JPH3: variants seen among roughly 807,000 people sequenced by gnomAD.
JPH3 encodes the protein junctophilin-3.
In JPH3, 11 loss-of-function variants were observed where a neutral mutation model predicts 59.6. That is an observed-to-expected ratio of 0.18 (90% confidence interval 0.12 to 0.31). The LOEUF (loss-of-function observed/expected upper bound fraction) is 0.31. Among genes scored for constraint, JPH3 ranks in the 10% least tolerant of loss-of-function variants. JPH3 has a pLI of 1.00. For missense variants in JPH3, 1,202 were observed against 1,105.7 expected (o/e 1.09, Z -1.24); for synonymous variants, 673 against 483.6 (o/e 1.39, Z -5.14).
chr16:87,645,052 G>A lies in JPH3; in HGVS notation c.1160+17G>A, dbSNP rs34387607. 1.3e-6 allele frequency: 2 copies of A among 1,589,296 alleles called. No individual in the cohort carries two copies. Among genetic ancestry groups the A allele is most frequent in the East Asian group, 2.2e-5 (1 of 44,764 alleles). On this transcript the variant is annotated intron_variant, in intron 2 of 4. Transcript: ENST00000284262. ...GGCTTCCAGGTAGGAGGGCGAGGGGGCGGGGGGCCCTTCTTGGTGCCCAGA... is the reference window on the plus strand; with the variant it reads ...GGCTTCCAGGTAGGAGGGCGAGGGGACGGGGGGCCCTTCTTGGTGCCCAGA...
intron 2 of JPH3, among the ~76,000 whole-genome samples, chr16:87,677,225 CAAAAAA>C (rs59575544): frequency 0.061 from 4,978 of 81,558 alleles, 281 homozygotes; most frequent in African/African-American, 0.15. Context: ...CACACACACA[CAAAAAA>C]AAAAATTAGC....
At chr16:87,632,892 C>CAA (rs59476481) in intron 1 of JPH3, among the ~76,000 whole-genome samples, 57 of 128,842 alleles carry the variant, frequency 4.4e-4, no homozygotes, top group Admixed American at 2.2e-3. Flanking sequence ...GACTCTGTCT[C>CAA]AAAAAAAAAA....
Position 87,696,654 on chromosome 16 carries a change from C to T in JPH3, c.2241C>T (p.Phe747=), listed in dbSNP as rs1479094290. 6.2e-7 allele frequency: 1 copy of T among 1,612,374 alleles called. No homozygotes were observed. Among genetic ancestry groups the T allele is most frequent in the Admixed American group, 1.7e-5 (1 of 60,000 alleles). The stretch of plus-strand genomic sequence containing the variant: ...TCGCCATTCTGTTTATTAACTTTTT[C>T]ATCTGATGAGATGTCGCGGTAGCAA... The part of the protein sequence containing the change: ...IGVAILFINF[F]I The change falls in exon 5 of 5, where the codon TTC becomes TTT. Residue 747 remains phenylalanine (F), a synonymous_variant. Coordinates refer to ENST00000284262, the MANE Select transcript of JPH3 (RefSeq NM_020655.4).
chr16:87,661,304 G>C (rs185950004), intron 2 of JPH3, among the ~76,000 whole-genome samples: 116 of 152,324 alleles, frequency 7.6e-4, no homozygotes, highest in African/African-American at 2.7e-3. Context: ...CCTTAACTCA[G>C]TCATATCTGC....
At chr16:87,620,468 G>A (rs950533193) in intron 1 of JPH3, among the ~76,000 whole-genome samples, 2 of 137,470 alleles carry the variant, frequency 1.5e-5, no homozygotes, top group Non-Finnish European at 3.1e-5. Context: ...GAGAGAGGGA[G>A]AGAAGGAGAG....
At chr16:87,623,604 G>A (rs1001899313) in intron 1 of JPH3, among the ~76,000 whole-genome samples, 3 of 152,212 alleles carry the variant, frequency 2.0e-5, no homozygotes, top group Admixed American at 6.5e-5. Flanking sequence ...ATTTCCTTCT[G>A]TGAACCCCTT....
intron 2 of JPH3, among the ~76,000 whole-genome samples, chr16:87,649,346 A>G (rs1541646): frequency 0.2 from 30,931 of 152,122 alleles, 3,710 homozygotes; most frequent in East Asian, 0.36. Context: ...TTCATGACTC[A>G]TCTCCTGCCA....
intron 1 of JPH3, among the ~76,000 whole-genome samples, chr16:87,638,889 ATC>A (rs1692582597): frequency 6.6e-6 from 1 of 151,888 alleles, no homozygotes; most frequent in Admixed American, 6.5e-5. Context: ...CTGCCTACGA[ATC>A]TCTCAGGATG....
chr16:87,695,859 G>A (rs951287891), intron 4 of JPH3: 1 of 456,088 alleles, frequency 2.2e-6, no homozygotes, highest in Middle Eastern at 3.3e-4. Context: ...GAAGGTGGCA[G>A]CTTGGTCCGA....
At chr16:87,649,451 G>C (rs190278277) in intron 2 of JPH3, among the ~76,000 whole-genome samples, 1 of 152,196 alleles carries the variant, frequency 6.6e-6, no homozygotes, top group Non-Finnish European at 1.5e-5. Flanking sequence ...AGTCCTCCTC[G>C]AAGCCCGGGT....
intron 2 of JPH3, among the ~76,000 whole-genome samples, chr16:87,648,842 C>A (rs2032238393): frequency 6.6e-6 from 1 of 152,178 alleles, no homozygotes; most frequent in Non-Finnish European, 1.5e-5. Context: ...GGCCCCACGC[C>A]CCAGACTTTG....
chr16:87,620,491 G>C (rs1345602238), intron 1 of JPH3, among the ~76,000 whole-genome samples: 2 of 144,506 alleles, frequency 1.4e-5, no homozygotes, highest in African/African-American at 5.1e-5. Flanking sequence ...GAGAGGGAGA[G>C]GGGGAGGGGA....
intron 1 of JPH3, among the ~76,000 whole-genome samples, chr16:87,624,029 C>G (rs1477522466): frequency 6.6e-6 from 1 of 152,184 alleles, no homozygotes; most frequent in Non-Finnish European, 1.5e-5. Context: ...TGCGGCCCTC[C>G]CCAGGGCTGA....
chr16:87,693,414 C>G (rs1401327075), intron 4 of JPH3: 1 of 152,314 alleles, frequency 6.6e-6, no homozygotes, highest in African/African-American at 2.4e-5. Flanking sequence ...TGGCTCACAC[C>G]TATAATCCCA....
intron 2 of JPH3, among the ~76,000 whole-genome samples, chr16:87,673,022 C>T (rs4843256): frequency 0.56 from 85,563 of 151,902 alleles, 24,601 homozygotes; most frequent in African/African-American, 0.68. Context: ...AGCACGTGCA[C>T]GTAATCCCGG....
intron 2 of JPH3, among the ~76,000 whole-genome samples, chr16:87,652,661 G>C (rs2150851751): frequency 6.6e-6 from 1 of 152,342 alleles, no homozygotes; most frequent in South Asian, 2.1e-4. Flanking sequence ...GTCTGTCCTG[G>C]AGGCCAGGCA....
chr16:87,670,633 C>CA (rs1381686173), intron 2 of JPH3, among the ~76,000 whole-genome samples: 1 of 152,278 alleles, frequency 6.6e-6, no homozygotes, highest in Non-Finnish European at 1.5e-5. Flanking sequence ...CTGGGTGCCA[C>CA]ACACTGCGGA....
intron 1 of JPH3, among the ~76,000 whole-genome samples, chr16:87,612,444 C>G (rs941644762): frequency 1.3e-5 from 2 of 152,156 alleles, no homozygotes; most frequent in Non-Finnish European, 2.9e-5. Flanking sequence ...AGCAACTGCA[C>G]CTGGCCTGAG....
Position 87,696,648 on chromosome 16 carries a change from C to T in JPH3, c.2235C>T (p.Asn745=). ...LNIGVAILFI[N]FFI ...TCGGAGTCGCCATTCTGTTTATTAACTTTTTCATCTGATGAGATGTCGCGG... is the reference window on the plus strand; with the variant it reads ...TCGGAGTCGCCATTCTGTTTATTAATTTTTTCATCTGATGAGATGTCGCGG... Residue 745 remains asparagine (N), a synonymous_variant, in exon 5 of 5, where the codon AAC becomes AAT. Coordinates refer to ENST00000284262, the MANE Select transcript of JPH3 (RefSeq NM_020655.4). The T allele has an allele frequency of 6.2e-7, 1 of 1,612,848 alleles. No individual in the cohort carries two copies. The highest frequency in any genetic ancestry group is 8.5e-7 in the Non-Finnish European group (1 of 1,179,212).
Sources: gnomAD v4.1 joint callset for allele counts (sites outside exome capture counted in the v4.1 genomes callset) on GRCh38, gnomAD v4.1.1 for gene constraint, MANE v1.5 for transcripts, NCBI Gene and HGNC (gene_info 2026-07-23, HGNC 2026-07-21) for gene names.